Variants in SOX6 observed in about 807,000 individuals in gnomAD.
SOX6 encodes transcription factor SOX-6.
SOX6 carries 11 observed loss-of-function variants against 97.8 expected under a neutral mutation model. That is an observed-to-expected ratio of 0.11 (90% CI 0.07 to 0.19). SOX6 has a LOEUF of 0.19. Ranked by LOEUF, SOX6 falls within the 10% of genes least tolerant of loss-of-function variation. The probability of loss-of-function intolerance (pLI) is 1.00; values close to 1 mark genes in which losing one functional copy is unlikely to be tolerated. For synonymous variants in SOX6, 360 were observed against 371.4 expected (o/e 0.97, Z 0.35); for missense variants, 810 against 1,039.5 (o/e 0.78, Z 3.04).
chr11:16,101,126 A>T (rs1164599963), intron 7 of SOX6, among the ~76,000 whole-genome samples: 3 of 151,688 alleles, frequency 2.0e-5, no homozygotes, highest in Non-Finnish European at 4.4e-5. Context: ...TTACAATATG[A>T]ACATATTTGA....
intron 3 of SOX6, among the ~76,000 whole-genome samples, chr11:16,626,435 G>A (rs903168706): frequency 6.6e-6 from 1 of 152,180 alleles, no homozygotes; most frequent in Non-Finnish European, 1.5e-5. Flanking sequence ...ATACTACACT[G>A]TCTTGATTAC....
intron 12 of SOX6, among the ~76,000 whole-genome samples, chr11:16,032,303 C>T (rs1042098669): frequency 1.3e-5 from 2 of 151,888 alleles, no homozygotes; most frequent in Non-Finnish European, 2.9e-5. Flanking sequence ...GGGTTTTGTT[C>T]GATTTGTTAG....
chr11:16,310,241 A>T (rs1053681271), intron 3 of SOX6, among the ~76,000 whole-genome samples: 1 of 152,140 alleles, frequency 6.6e-6, no homozygotes, highest in Non-Finnish European at 1.5e-5. Flanking sequence ...AGAGTTGCCC[A>T]GAAGGTCTGG....
chr11:16,100,767 A>G lies in SOX6; in HGVS notation c.899-3079T>C, dbSNP rs562194997. ...AAGTCTACCTTTTAAAAAAAAAAAAAGCCAAAAATCCCATGGGTAAAAGTC... is the reference window on the plus strand; with the variant it reads ...AAGTCTACCTTTTAAAAAAAAAAAAGGCCAAAAATCCCATGGGTAAAAGTC... On this transcript the variant is annotated intron_variant, in intron 7 of 15. Coordinates refer to ENST00000683767, the MANE Select transcript of SOX6 (RefSeq NM_001367873.1). Among the ~76,000 whole-genome samples, 7 of 151,176 alleles carry G rather than the reference A, an allele frequency of 4.6e-5. No homozygotes were observed. In the South Asian group the frequency reaches 1.5e-3, roughly 31 times the overall value.
intron 1 of SOX6, among the ~76,000 whole-genome samples, chr11:16,451,986 A>C (rs868807849): frequency 7.0e-6 from 1 of 143,594 alleles, no homozygotes; most frequent in African/African-American, 2.9e-5. Flanking sequence ...CTATCTAAAA[A>C]TAAATAAATA....
chr11:16,375,719 G>A (rs900147035), intron 1 of SOX6, among the ~76,000 whole-genome samples: 1 of 152,070 alleles, frequency 6.6e-6, no homozygotes, highest in African/African-American at 2.4e-5. Flanking sequence ...CTTCTGCTAT[G>A]AAGACACATA....
chr11:16,337,346 T>C (rs1856494619), intron 2 of SOX6, among the ~76,000 whole-genome samples: 1 of 152,176 alleles, frequency 6.6e-6, no homozygotes. Flanking sequence ...AGTTTATCTG[T>C]CCTTTCTACA....
chr11:16,560,352 G>C (rs1847794269), intron 4 of SOX6, among the ~76,000 whole-genome samples: 1 of 152,070 alleles, frequency 6.6e-6, no homozygotes, highest in South Asian at 2.1e-4. Flanking sequence ...CTAGTGCCTA[G>C]CATTATGCCT....
chr11:16,049,889 G>T lies in SOX6; in HGVS notation c.1301C>A (p.Ala434Glu). ...PLNLSSRPKT[A>E]EPVKSPTSPT... The stretch of plus-strand genomic sequence containing the variant: ...AGACGTTGGGGACTTTACAGGCTCT[G>T]CTGTCTTGGGTCGGGATGAGAGATT... Residue 434 changes from alanine (A) to glutamate (E), a missense_variant, in exon 11 of 16, where the codon GCA becomes GAA. By Grantham distance (107) the Ala-to-Glu change is moderately radical. Around this residue, in one of 9 missense-constraint regions of SOX6, gnomAD observed 244 missense variants for 261.0 expected, o/e 0.93. Transcript: ENST00000683767. 1 of 1,613,782 alleles carries T rather than the reference G, an allele frequency of 6.2e-7. No individual in the cohort carries two copies. The highest frequency in any genetic ancestry group is 8.5e-7 in the Non-Finnish European group (1 of 1,179,790).
At chr11:16,567,663 T>A (rs1847889771) in intron 4 of SOX6, among the ~76,000 whole-genome samples, 1 of 143,088 alleles carries the variant, frequency 7.0e-6, no homozygotes, top group Non-Finnish European at 1.5e-5. Context: ...GCCTTCTGGG[T>A]TCAAGCAATT....
chr11:16,134,524 G>C (rs560380751), intron 6 of SOX6, among the ~76,000 whole-genome samples: 1 of 152,336 alleles, frequency 6.6e-6, no homozygotes, highest in African/African-American at 2.4e-5. Context: ...TGGCAACCCT[G>C]GTCAAGCAAG....
In SOX6 at chr11:16,341,262, A is replaced by C; in HGVS notation, c.-4-10T>G. 1 of 1,612,650 alleles carries C rather than the reference A, an allele frequency of 6.2e-7. No individual in the cohort carries two copies. Among genetic ancestry groups the C allele is most frequent in the South Asian group, 1.1e-5 (1 of 91,046 alleles). On this transcript the variant is annotated splice_polypyrimidine_tract_variant and intron_variant, in intron 1 of 15. Transcript: ENST00000683767. ...CTTGGAAGACATTCTTCTGCAGAAA[A>C]AAAACAGAACGGATTAAAAATGGCT... is the stretch of plus-strand genomic sequence containing the variant.
chr11:16,206,770 A>G (rs1428751941), intron 4 of SOX6, among the ~76,000 whole-genome samples: 1 of 152,166 alleles, frequency 6.6e-6, no homozygotes, highest in Non-Finnish European at 1.5e-5. Flanking sequence ...AAATATTATG[A>G]TTTATTTTAT....
chr11:16,461,563 C>T (rs1192572125), intron 1 of SOX6, among the ~76,000 whole-genome samples: 1 of 152,150 alleles, frequency 6.6e-6, no homozygotes, highest in African/African-American at 2.4e-5. Context: ...ATTCGTCTAG[C>T]CCATATTCCC....
At chr11:16,673,003 C>T (rs1285072014) in intron 3 of SOX6, among the ~76,000 whole-genome samples, 3 of 152,104 alleles carry the variant, frequency 2.0e-5, no homozygotes, top group African/African-American at 4.8e-5. Context: ...ACACAGCAGG[C>T]GGAGGTTGCA....
intron 1 of SOX6, among the ~76,000 whole-genome samples, chr11:16,363,716 T>C (rs1007875415): frequency 2.0e-5 from 3 of 152,154 alleles, no homozygotes; most frequent in African/African-American, 7.2e-5. Flanking sequence ...TCTTTGCTTA[T>C]CTGTGTACTT....
chr11:16,594,939 C>G (rs1726288756), intron 4 of SOX6, among the ~76,000 whole-genome samples: 2 of 152,008 alleles, frequency 1.3e-5, no homozygotes, highest in African/African-American at 4.8e-5. Flanking sequence ...GATCCGCCCC[C>G]CTCGGCCTCC....
chr11:16,585,416 A>G (rs1384148344), intron 4 of SOX6, among the ~76,000 whole-genome samples: 1 of 152,204 alleles, frequency 6.6e-6, no homozygotes, highest in Non-Finnish European at 1.5e-5. Context: ...TTTACAGGTA[A>G]GGAAACTGAG....
intron 3 of SOX6, among the ~76,000 whole-genome samples, chr11:16,655,358 G>T (rs1390398801): frequency 6.6e-6 from 1 of 152,132 alleles, no homozygotes; most frequent in Non-Finnish European, 1.5e-5. Context: ...AAATGAAACT[G>T]GGAAGTGAAG....
Sources: allele counts gnomAD v4.1 joint callset (sites outside exome capture counted in the v4.1 genomes callset), GRCh38; gene constraint gnomAD v4.1.1; regional missense constraint gnomAD v4.1.1; transcripts MANE v1.5; gene names NCBI Gene and HGNC (gene_info 2026-07-23, HGNC 2026-07-21).